The following FAM13A variants were observed in gnomAD, a reference collection of about 807,000 sequenced individuals.
FAM13A encodes protein FAM13A.
FAM13A carries 76 observed loss-of-function variants against 129.6 expected under a neutral mutation model. That is an observed-to-expected ratio of 0.59 (90% confidence interval 0.49 to 0.71). FAM13A has a LOEUF of 0.71. Ranked by LOEUF, FAM13A falls within the 30% of genes least tolerant of loss-of-function variation. The probability of loss-of-function intolerance (pLI) is 0.00; values close to 1 mark genes in which losing one functional copy is unlikely to be tolerated. For synonymous variants in FAM13A, 443 were observed against 449.9 expected (o/e 0.98, Z 0.20); for missense variants, 1,108 against 1,249.3 (o/e 0.89, Z 1.70).
intron 1 of FAM13A, among the ~76,000 whole-genome samples, chr4:89,044,266 C>T (rs528390199): frequency 9.2e-5 from 14 of 152,044 alleles, no homozygotes; most frequent in Non-Finnish European, 1.3e-4. Context: ...GAACAAAGGA[C>T]GTGTATAATC....
chr4:88,991,573 T>C (rs1482513437), intron 3 of FAM13A, among the ~76,000 whole-genome samples: 2 of 152,130 alleles, frequency 1.3e-5, no homozygotes, highest in Non-Finnish European at 2.9e-5. Context: ...ATTAAGACAA[T>C]GGTTAGGTTT....
intron 6 of FAM13A, among the ~76,000 whole-genome samples, chr4:88,883,935 A>G (rs1035925265): frequency 6.6e-5 from 10 of 152,160 alleles, no homozygotes; most frequent in Non-Finnish European, 1.0e-4. Flanking sequence ...ATTTCTGGAA[A>G]CAGACAACCC....
intron 4 of FAM13A, among the ~76,000 whole-genome samples, chr4:88,977,291 A>G (rs1276742354): frequency 1.3e-5 from 2 of 152,200 alleles, no homozygotes; most frequent in Non-Finnish European, 2.9e-5. Flanking sequence ...CCTACTAAGT[A>G]ACGAACAGGT....
At chr4:88,816,486 C>T (rs572715434) in intron 7 of FAM13A, among the ~76,000 whole-genome samples, 6 of 152,308 alleles carry the variant, frequency 3.9e-5, no homozygotes, top group African/African-American at 9.6e-5. Flanking sequence ...GTACCTGCTA[C>T]GTGCCTAACA....
intron 5 of FAM13A, among the ~76,000 whole-genome samples, chr4:88,928,477 T>C (rs190988088): frequency 6.6e-6 from 1 of 152,284 alleles, no homozygotes; most frequent in African/African-American, 2.4e-5. Context: ...AATATTTGTT[T>C]TGTGACTCTG....
chr4:88,763,745 G>C (rs1284198011), intron 13 of FAM13A, among the ~76,000 whole-genome samples: 1 of 152,208 alleles, frequency 6.6e-6, no homozygotes, highest in Non-Finnish European at 1.5e-5. Context: ...CAGAAAGTAT[G>C]CTGTATAATG....
At chr4:88,762,960 G>A (rs1299441535) in intron 13 of FAM13A, among the ~76,000 whole-genome samples, 1 of 152,108 alleles carries the variant, frequency 6.6e-6, no homozygotes, top group Non-Finnish European at 1.5e-5. Context: ...TGTCAAAAAT[G>A]CTGCACTATA....
At chr4:88,858,728 G>T (rs1468537037) in intron 6 of FAM13A, among the ~76,000 whole-genome samples, 1 of 152,188 alleles carries the variant, frequency 6.6e-6, no homozygotes, top group East Asian at 1.9e-4. Flanking sequence ...TGGCTGGCAG[G>T]GGATGGAGGA....
intron 4 of FAM13A, among the ~76,000 whole-genome samples, chr4:88,960,085 C>T (rs1444341185): frequency 1.3e-5 from 2 of 152,184 alleles, no homozygotes; most frequent in African/African-American, 4.8e-5. Flanking sequence ...AGTCATCTCC[C>T]TCTCCTGAGT....
chr4:88,868,798 G>A (rs573372320), intron 6 of FAM13A, among the ~76,000 whole-genome samples: 7 of 152,014 alleles, frequency 4.6e-5, no homozygotes, highest in Non-Finnish European at 5.9e-5. Flanking sequence ...TCTCTATGAC[G>A]TCAACTCAGG....
chr4:88,867,502 C>T (rs752367139), intron 6 of FAM13A, among the ~76,000 whole-genome samples: 21 of 152,234 alleles, frequency 1.4e-4, no homozygotes, highest in Admixed American at 2.6e-4. Context: ...TGAGAATATG[C>T]ATTTCTCATT....
intron 19 of FAM13A, 122 bp from the exon 20 acceptor site, chr4:88,739,247 T>C: frequency 3.0e-6 from 2 of 675,758 alleles, no homozygotes; most frequent in Non-Finnish European, 5.4e-6. Flanking sequence ...TAAGTCTTAC[T>C]ACCCTCACAG....
intron 1 of FAM13A, among the ~76,000 whole-genome samples, chr4:89,038,140 C>T (rs1769633938): frequency 6.6e-6 from 1 of 152,192 alleles, no homozygotes; most frequent in African/African-American, 2.4e-5. Context: ...TGCGAGGGCC[C>T]AAGGGGGCCA....
intron 6 of FAM13A, among the ~76,000 whole-genome samples, chr4:88,875,167 A>T (rs1234701787): frequency 6.6e-6 from 1 of 152,234 alleles, no homozygotes; most frequent in Admixed American, 6.5e-5. Context: ...CTTAAATGTT[A>T]GACCTAAAAC....
chr4:88,765,468 T>C (rs1264444509), intron 13 of FAM13A, among the ~76,000 whole-genome samples: 1 of 152,212 alleles, frequency 6.6e-6, no homozygotes, highest in Non-Finnish European at 1.5e-5. Context: ...AAGTATAGAC[T>C]TATTTTTCAT....
intron 11 of FAM13A, among the ~76,000 whole-genome samples, chr4:88,779,235 A>C (rs551245979): frequency 6.6e-6 from 1 of 152,322 alleles, no homozygotes; most frequent in African/African-American, 2.4e-5. Flanking sequence ...ATAATTATGT[A>C]TAATTTTTTT....
intron 22 of FAM13A, chr4:88,731,712 A>G: frequency 1.9e-6 from 1 of 527,356 alleles, no homozygotes; most frequent in Non-Finnish European, 3.3e-6. Context: ...AAGAGATGAC[A>G]TCTGTGCTCA....
Position 88,991,036 on chromosome 4 carries a change from T to C in FAM13A, c.542A>G (p.His181Arg). 1 of 1,614,192 alleles carries C rather than the reference T, an allele frequency of 6.2e-7. No homozygotes were observed. The highest frequency in any genetic ancestry group is 8.5e-7 in the Non-Finnish European group (1 of 1,180,012). ...LCQFLTKVAK[H>R]HVQNRMNVHN... ...AACATTCATGCGATTCTGCACATGA[T>C]GCTTGGCTACTTTTGTCAAGAACTG... The change falls in exon 4 of 24, where the codon CAT becomes CGT. Residue 181 changes from histidine to arginine, a missense_variant. His to Arg is a conservative substitution (Grantham distance 29). Coordinates refer to ENST00000264344, the MANE Select transcript of FAM13A (RefSeq NM_014883.4).
intron 13 of FAM13A, 152 bp downstream of exon 13, chr4:88,767,401 G>A: frequency 4.4e-6 from 2 of 452,456 alleles, no homozygotes; most frequent in Non-Finnish European, 7.7e-6. Context: ...ATTTCTCAAG[G>A]AATCTTTAAG....
Sources: allele counts gnomAD v4.1 joint callset (sites outside exome capture counted in the v4.1 genomes callset), GRCh38; gene constraint gnomAD v4.1.1; transcripts MANE v1.5; gene names NCBI Gene and HGNC (gene_info 2026-07-23, HGNC 2026-07-21).